CDH4: variants seen among roughly 807,000 people sequenced by gnomAD.
CDH4 encodes the protein cadherin 4.
In CDH4, 33 loss-of-function variants were observed where a neutral mutation model predicts 86.0. The ratio of observed to expected loss-of-function variants is 0.38; its 90% CI spans 0.29 to 0.51. CDH4 has a LOEUF of 0.51. Among genes scored for constraint, CDH4 ranks in the 20% least tolerant of loss-of-function variants. The probability of loss-of-function intolerance (pLI) is 0.86; values close to 1 mark genes in which losing one functional copy is unlikely to be tolerated. For missense variants in CDH4, 1,114 were observed against 1,307.4 expected (o/e 0.85, Z 2.28); for synonymous variants, 555 against 549.4 (o/e 1.01, Z -0.14).
rs1409456226 is a variant in CDH4, at chr20:61,714,453, T to C, written c.170-29110T>C. Reference sequence around the variant, plus strand: ...ATTTTTATTCCAGTAGCCTTAGGGATACAAGTGTTTTTGGTGACATGGATG... The same window carrying C: ...ATTTTTATTCCAGTAGCCTTAGGGACACAAGTGTTTTTGGTGACATGGATG... On this transcript the variant is annotated intron_variant, in intron 2 of 15. Coordinates refer to ENST00000614565, the MANE Select transcript of CDH4 (RefSeq NM_001794.5). Among the ~76,000 whole-genome samples, 3 of 742 alleles carry C rather than the reference T, an allele frequency of 4.0e-3. No individual in the cohort carries two copies. The Admixed American group carries it at 0.083, about 21-fold the overall frequency. The allele number at this position is 742 out of a possible 152,430, so 0.5% of individuals were successfully genotyped here.
chr20:61,362,400 G>A (rs1184027651), intron 2 of CDH4, among the ~76,000 whole-genome samples: 1 of 151,262 alleles, frequency 6.6e-6, no homozygotes, highest in East Asian at 2.0e-4. Flanking sequence ...GCCTAGGACA[G>A]CGTAGGGGAG....
intron 2 of CDH4, among the ~76,000 whole-genome samples, chr20:61,503,226 G>A (rs1600716256): frequency 6.6e-6 from 1 of 152,162 alleles, no homozygotes; most frequent in Non-Finnish European, 1.5e-5. Flanking sequence ...TTTGGGGAGA[G>A]AAGAAGCTCA....
intron 2 of CDH4, among the ~76,000 whole-genome samples, chr20:61,671,421 A>C (rs1415963603): frequency 1.3e-5 from 2 of 152,204 alleles, no homozygotes; most frequent in Non-Finnish European, 2.9e-5. Context: ...GCTTGAGCCC[A>C]GAAGTTCAAG....
intron 2 of CDH4, among the ~76,000 whole-genome samples, chr20:61,301,770 A>G (rs2084387528): frequency 6.6e-6 from 1 of 152,226 alleles, no homozygotes; most frequent in African/African-American, 2.4e-5. Context: ...CATTGGCAAG[A>G]TAAAGGACAA....
At chr20:61,472,945 A>G (rs995819132) in intron 2 of CDH4, among the ~76,000 whole-genome samples, 2 of 152,142 alleles carry the variant, frequency 1.3e-5, no homozygotes, top group African/African-American at 4.8e-5. Flanking sequence ...TGCTCTTTCA[A>G]TTAAAAACTG....
chr20:61,600,383 G>A (rs2086590650), intron 2 of CDH4, among the ~76,000 whole-genome samples: 1 of 152,236 alleles, frequency 6.6e-6, no homozygotes, highest in African/African-American at 2.4e-5. Flanking sequence ...TTGTGATTGA[G>A]GACACAGGCT....
chr20:61,452,824 G>C (rs957997292), intron 2 of CDH4, among the ~76,000 whole-genome samples: 1 of 152,170 alleles, frequency 6.6e-6, no homozygotes, highest in African/African-American at 2.4e-5. Flanking sequence ...ATATGAAATA[G>C]GGGAGTGAGA....
At chr20:61,396,150 C>T (rs532595020) in intron 2 of CDH4, among the ~76,000 whole-genome samples, 9 of 152,248 alleles carry the variant, frequency 5.9e-5, no homozygotes, top group East Asian at 3.9e-4. Flanking sequence ...CTGCAGAGAC[C>T]GTATAGCCCT....
In CDH4 at chr20:61,896,092, T is replaced by C. The variant is rs145526573; in HGVS notation, c.1188+1045T>C. On this transcript the variant is annotated intron_variant, in intron 8 of 15. Coordinates refer to ENST00000614565, the MANE Select transcript of CDH4 (RefSeq NM_001794.5). ...CCGCAGAGCTGTGTGTCAGTCATGATAGCAATGACAGTGGCACACCAGCTG... is the reference window on the plus strand; with the variant it reads ...CCGCAGAGCTGTGTGTCAGTCATGACAGCAATGACAGTGGCACACCAGCTG... 2.7e-4 allele frequency among the ~76,000 whole-genome samples: 41 copies of C among 152,276 alleles called. No homozygotes were observed. The East Asian group carries it at 5.4e-3, about 20-fold the overall frequency.
chr20:61,750,441 G>A (rs993768200), intron 3 of CDH4, among the ~76,000 whole-genome samples: 21 of 152,170 alleles, frequency 1.4e-4, no homozygotes, highest in African/African-American at 4.8e-4. Flanking sequence ...ATCCTGCACT[G>A]TTTTATTGTT....
chr20:61,758,081 C>G (rs948075270), intron 3 of CDH4, among the ~76,000 whole-genome samples: 4 of 152,210 alleles, frequency 2.6e-5, no homozygotes, highest in African/African-American at 7.2e-5. Flanking sequence ...GGCCAGGTGT[C>G]CATGTGGCAG....
At chr20:61,291,125 A>G (rs1186286444) in intron 2 of CDH4, among the ~76,000 whole-genome samples, 1 of 152,084 alleles carries the variant, frequency 6.6e-6, no homozygotes, top group Non-Finnish European at 1.5e-5. Context: ...TGCGAGTGAG[A>G]ACCTCTCTTT....
chr20:61,728,326 G>T (rs2145922131), intron 2 of CDH4, among the ~76,000 whole-genome samples: 1 of 152,328 alleles, frequency 6.6e-6, no homozygotes, highest in South Asian at 2.1e-4. Context: ...GGAGCAGGGT[G>T]GTGGAAGATC....
intron 6 of CDH4, among the ~76,000 whole-genome samples, chr20:61,865,497 G>A (rs1224065023): frequency 6.6e-6 from 1 of 150,690 alleles, no homozygotes; most frequent in Admixed American, 6.6e-5. Flanking sequence ...GGCATCCTGG[G>A]TGGTTAGTGT....
chr20:61,589,813 T>TATA (rs1164238426), intron 2 of CDH4, among the ~76,000 whole-genome samples: 4 of 147,620 alleles, frequency 2.7e-5, no homozygotes, highest in African/African-American at 1.0e-4. Context: ...AAACTTAAAG[T>TATA]ATAATAATAA....
At chr20:61,723,374 T>C (rs2088065023) in intron 2 of CDH4, among the ~76,000 whole-genome samples, 1 of 152,142 alleles carries the variant, frequency 6.6e-6, no homozygotes, top group African/African-American at 2.4e-5. Flanking sequence ...CCGTGCGCCA[T>C]GGGGCAAGCA....
chr20:61,257,292 G>A (rs1470545917), intron 2 of CDH4, among the ~76,000 whole-genome samples: 1 of 152,152 alleles, frequency 6.6e-6, no homozygotes, highest in Non-Finnish European at 1.5e-5. Flanking sequence ...TTTGTTACAC[G>A]GTAATTAACT....
intron 2 of CDH4, among the ~76,000 whole-genome samples, chr20:61,398,466 G>A (rs539481171): frequency 3.3e-5 from 5 of 152,346 alleles, no homozygotes; most frequent in South Asian, 2.1e-4. Flanking sequence ...GGCCCCAAGG[G>A]CATGGGGTCT....
At chr20:61,284,501 A>G (rs115295127) in intron 2 of CDH4, among the ~76,000 whole-genome samples, 20 of 152,312 alleles carry the variant, frequency 1.3e-4, no homozygotes, top group African/African-American at 4.6e-4. Context: ...AGGTCACATC[A>G]GTCTCCGGGG....
Sources: gnomAD v4.1 joint callset for allele counts (sites outside exome capture counted in the v4.1 genomes callset) on GRCh38, gnomAD v4.1.1 for gene constraint, MANE v1.5 for transcripts, NCBI Gene and HGNC (gene_info 2026-07-23, HGNC 2026-07-21) for gene names.